The following RSU1 variants were observed in gnomAD, a reference collection of about 807,000 sequenced individuals.
RSU1 encodes the protein Ras suppressor protein 1.
RSU1 carries 26 observed loss-of-function variants against 31.1 expected under a neutral mutation model. The observed-to-expected ratio is 0.84, with a 90% CI of 0.61 to 1.16. The LOEUF is 1.16. RSU1 is among the 50% of genes most tolerant of loss of function. The pLI is 0.00. For synonymous variants in RSU1, 164 were observed against 136.3 expected, an observed-to-expected ratio of 1.20 and a Z score of -1.41; for missense variants, 320 against 339.1, an observed-to-expected ratio of 0.94 and a Z score of 0.44.
At chr10:16,683,503 A>G (rs1237220706) in intron 8 of RSU1, among the ~76,000 whole-genome samples, 1 of 152,198 alleles carries the variant, frequency 6.6e-6, no homozygotes, top group Non-Finnish European at 1.5e-5. Context: ...CACCTTTGAC[A>G]CGCACATACT....
intron 2 of RSU1, among the ~76,000 whole-genome samples, chr10:16,784,874 G>T (rs935082241): frequency 3.3e-5 from 5 of 152,166 alleles, no homozygotes; most frequent in South Asian, 4.1e-4. Context: ...GATGAGATTT[G>T]GATGGGGACA....
At chr10:16,753,875 A>C (rs1354120855) in intron 5 of RSU1, among the ~76,000 whole-genome samples, 3 of 152,094 alleles carry the variant, frequency 2.0e-5, no homozygotes, top group Non-Finnish European at 4.4e-5. Flanking sequence ...TTTCTACCTC[A>C]GCCTCCCAAG....
intron 8 of RSU1, among the ~76,000 whole-genome samples, chr10:16,615,084 T>C (rs1320113763): frequency 6.6e-6 from 1 of 151,982 alleles, no homozygotes; most frequent in Non-Finnish European, 1.5e-5. Context: ...AGACACAGAC[T>C]GGCAAAGTGG....
At chr10:16,621,047 A>G (rs1316652610) in intron 8 of RSU1, among the ~76,000 whole-genome samples, 1 of 152,212 alleles carries the variant, frequency 6.6e-6, no homozygotes, top group African/African-American at 2.4e-5. Context: ...AAGGACACAC[A>G]GAAGAATTAA....
chr10:16,742,928 A>T (rs1836781135), intron 7 of RSU1, among the ~76,000 whole-genome samples: 1 of 152,266 alleles, frequency 6.6e-6, no homozygotes. Context: ...CTGGGGCTAA[A>T]GATTTCACTG....
intron 8 of RSU1, among the ~76,000 whole-genome samples, chr10:16,684,959 T>C (rs2131552643): frequency 6.6e-6 from 1 of 152,208 alleles, no homozygotes; most frequent in African/African-American, 2.4e-5. Flanking sequence ...CCAAATGAGA[T>C]TATTTAGGCC....
intron 8 of RSU1, among the ~76,000 whole-genome samples, chr10:16,646,013 CAT>C (rs1306348377): frequency 1.1e-5 from 1 of 87,590 alleles, no homozygotes; most frequent in African/African-American, 5.9e-5. Context: ...TGTGTATATA[CAT>C]ATATGTGTAT....
At chr10:16,700,223 C>T (rs571470290) in intron 7 of RSU1, among the ~76,000 whole-genome samples, 139 of 152,230 alleles carry the variant, frequency 9.1e-4, no homozygotes, top group Middle Eastern at 3.4e-3. Context: ...AAGTAGCATT[C>T]CCTCCCTTCC....
chr10:16,729,332 G>A (rs1379658582), intron 7 of RSU1, among the ~76,000 whole-genome samples: 4 of 152,140 alleles, frequency 2.6e-5, no homozygotes, highest in Admixed American at 1.3e-4. Flanking sequence ...AGCACTCTTC[G>A]ATTATAATTC....
rs532017038 is a variant in RSU1, at chr10:16,615,627, A to C, written c.732-22131T>G. 5.3e-5 allele frequency among the ~76,000 whole-genome samples: 8 copies of C among 152,330 alleles called. 2 individuals carry two copies. Among genetic ancestry groups the C allele is most frequent in the African/African-American group, 1.9e-4 (8 of 41,576 alleles). On this transcript the variant is annotated intron_variant, in intron 8 of 8. Transcript: ENST00000345264. Reference sequence around the variant, plus strand: ...CACTTATTCTAAAATCAACCACACAATTTGAACTAAAACGCTCCTCAGCAT... The same window carrying C: ...CACTTATTCTAAAATCAACCACACACTTTGAACTAAAACGCTCCTCAGCAT...
intron 7 of RSU1, among the ~76,000 whole-genome samples, chr10:16,715,022 T>C (rs1339908925): frequency 1.3e-5 from 2 of 152,210 alleles, no homozygotes; most frequent in East Asian, 3.9e-4. Context: ...ACCCCATGAC[T>C]GCCAAGTCTC....
chr10:16,783,153 C>A (rs1837692474), intron 2 of RSU1, among the ~76,000 whole-genome samples: 1 of 152,068 alleles, frequency 6.6e-6, no homozygotes, highest in South Asian at 2.1e-4. Flanking sequence ...TCAAGTAATT[C>A]TCCCACCTTA....
At chr10:16,747,697 C>T (rs184556764) in intron 7 of RSU1, among the ~76,000 whole-genome samples, 1 of 152,326 alleles carries the variant, frequency 6.6e-6, no homozygotes, top group African/African-American at 2.4e-5. Context: ...GCCCTCTGCC[C>T]TCCAGCCTAT....
intron 2 of RSU1, among the ~76,000 whole-genome samples, chr10:16,793,480 G>T (rs1427472043): frequency 6.6e-6 from 1 of 152,146 alleles, no homozygotes; most frequent in African/African-American, 2.4e-5. Context: ...ACATTAAGGA[G>T]AAAGAAGACA....
intron 8 of RSU1, among the ~76,000 whole-genome samples, chr10:16,614,328 A>C (rs970008961): frequency 1.3e-5 from 2 of 152,020 alleles, no homozygotes; most frequent in African/African-American, 4.8e-5. Context: ...GAACTCATGG[A>C]GATAGAGAGG....
chr10:16,606,295 T>TTA (rs562161274), intron 8 of RSU1, among the ~76,000 whole-genome samples: 16 of 152,228 alleles, frequency 1.1e-4, no homozygotes, highest in South Asian at 1.0e-3. Context: ...AAAATTAACA[T>TTA]TATATATATA....
chr10:16,608,749 G>GA (rs886606882), intron 8 of RSU1, among the ~76,000 whole-genome samples: 25 of 147,980 alleles, frequency 1.7e-4, no homozygotes, highest in South Asian at 6.5e-4. Flanking sequence ...GAGTTTTTTG[G>GA]AAAAAAAAAA....
At chr10:16,609,613 A>G (rs1177609531) in intron 8 of RSU1, among the ~76,000 whole-genome samples, 1 of 152,212 alleles carries the variant, frequency 6.6e-6, no homozygotes, top group Non-Finnish European at 1.5e-5. Context: ...ATTCCAAAGG[A>G]AAGTGTGCAC....
At chr10:16,599,705 T>C (rs116661543) in intron 8 of RSU1, among the ~76,000 whole-genome samples, 1,695 of 152,324 alleles carry the variant, frequency 0.011, 28 homozygotes, top group African/African-American at 0.038. Flanking sequence ...GAATGACAGC[T>C]GCCGCTTCTA....
Sources: allele counts gnomAD v4.1 joint callset (sites outside exome capture counted in the v4.1 genomes callset), GRCh38; gene constraint gnomAD v4.1.1; transcripts MANE v1.5; gene names NCBI Gene and HGNC (gene_info 2026-07-23, HGNC 2026-07-21).